FNIP2: variants seen among roughly 807,000 people sequenced by gnomAD.
The protein encoded by FNIP2 is folliculin interacting protein 2.
FNIP2 carries 32 observed loss-of-function variants against 108.7 expected under a neutral mutation model. That is an observed-to-expected ratio of 0.29 (90% CI 0.22 to 0.40). FNIP2 has a LOEUF of 0.40. Among genes scored for constraint, FNIP2 ranks in the 10% least tolerant of loss-of-function variants. The pLI, the probability that FNIP2 is intolerant of heterozygous loss-of-function variation, is 1.00. For synonymous variants in FNIP2, 480 were observed against 496.7 expected, an observed-to-expected ratio of 0.97 and a Z score of 0.45; for missense variants, 1,202 against 1,381.6, an observed-to-expected ratio of 0.87 and a Z score of 2.06.
intron 1 of FNIP2, among the ~76,000 whole-genome samples, chr4:158,812,644 A>G (rs1777341914): frequency 6.6e-6 from 1 of 152,102 alleles, no homozygotes; most frequent in Non-Finnish European, 1.5e-5. Flanking sequence ...CATTAAGCAG[A>G]AAGTACAGAA....
At chr4:158,785,090 T>C (rs1776180348) in intron 1 of FNIP2, among the ~76,000 whole-genome samples, 1 of 146,290 alleles carries the variant, frequency 6.8e-6, no homozygotes, top group African/African-American at 2.6e-5. Flanking sequence ...AGTTCCTCTT[T>C]TTTTTTTTTT....
chr4:158,799,737 T>C (rs1401735902), intron 1 of FNIP2, among the ~76,000 whole-genome samples: 1 of 152,012 alleles, frequency 6.6e-6, no homozygotes, highest in African/African-American at 2.4e-5. Flanking sequence ...TTTCTAACTT[T>C]TGGCAGTCTT....
intron 7 of FNIP2, among the ~76,000 whole-genome samples, chr4:158,839,528 G>A (rs1779004276): frequency 6.6e-6 from 1 of 151,722 alleles, no homozygotes; most frequent in South Asian, 2.1e-4. Context: ...ACCACACCCA[G>A]AATTTTTTTT....
chr4:158,895,446 G>GT (rs1782586753), intron 15 of FNIP2, among the ~76,000 whole-genome samples: 1 of 152,102 alleles, frequency 6.6e-6, no homozygotes, highest in Non-Finnish European at 1.5e-5. Context: ...TTATTATAAA[G>GT]TTTTTTAAAG....
At position 158,882,840 on chromosome 4, in the gene FNIP2, C is replaced by T. The variant is rs571133386; in HGVS notation, c.2950-8606C>T. On this transcript the variant is annotated intron_variant, in intron 14 of 16. Transcript: ENST00000264433. ...CATCACCACTCCCTAATCTCAAGTA[C>T]CCAGGGACACAAATACTGCGGAAGG... Among the ~76,000 whole-genome samples the T allele has an allele frequency of 4.6e-5, 7 of 152,216 alleles. No homozygotes were observed. In the South Asian group the frequency reaches 1.5e-3, roughly 32 times the overall value.
At chr4:158,777,484 G>C (rs1775898550) in intron 1 of FNIP2, among the ~76,000 whole-genome samples, 1 of 152,234 alleles carries the variant, frequency 6.6e-6, no homozygotes, top group African/African-American at 2.4e-5. Context: ...TCTTTAAAAA[G>C]AATGTGCCAG....
intron 7 of FNIP2, among the ~76,000 whole-genome samples, chr4:158,846,299 A>G (rs186796537): frequency 1.4e-4 from 22 of 152,290 alleles, no homozygotes; most frequent in African/African-American, 4.1e-4. Context: ...ACAGTGCAAT[A>G]TACTCTGTTT....
intron 1 of FNIP2, among the ~76,000 whole-genome samples, chr4:158,806,928 A>G (rs1776998920): frequency 6.6e-6 from 1 of 152,158 alleles, no homozygotes; most frequent in Admixed American, 6.5e-5. Context: ...GATGTTATGA[A>G]CAGCAAATTT....
intron 13 of FNIP2, 45 bp from the exon 14 acceptor site, chr4:158,870,268 G>C: frequency 6.3e-7 from 1 of 1,590,244 alleles, no homozygotes; most frequent in Non-Finnish European, 8.6e-7. Flanking sequence ...AAAGAAAAAA[G>C]TACATTTTTA....
chr4:158,859,472 C>A, intron 9 of FNIP2, 106 bp from the exon 10 acceptor site: 1 of 1,099,030 alleles, frequency 9.1e-7, no homozygotes, highest in Non-Finnish European at 1.3e-6. Context: ...GCATTATTAC[C>A]TTGAGTGTTG....
intron 14 of FNIP2, among the ~76,000 whole-genome samples, chr4:158,883,101 C>G (rs1781783721): frequency 6.6e-6 from 1 of 151,486 alleles, no homozygotes; most frequent in African/African-American, 2.4e-5. Context: ...TAAAATCAAG[C>G]TAACACACAC....
At chr4:158,815,441 G>A (rs1424614684) in intron 1 of FNIP2, among the ~76,000 whole-genome samples, 1 of 146,302 alleles carries the variant, frequency 6.8e-6, no homozygotes, top group Non-Finnish European at 1.5e-5. Context: ...GGAATGCAGT[G>A]GCGCCAGCTC....
chr4:158,856,573 C>T (rs1247263438), intron 8 of FNIP2, among the ~76,000 whole-genome samples: 2 of 152,216 alleles, frequency 1.3e-5, no homozygotes, highest in Non-Finnish European at 2.9e-5. Flanking sequence ...CAGTGCTCTG[C>T]GTGGCATGAT....
At chr4:158,902,899 C>A (rs1395612375) in intron 16 of FNIP2, among the ~76,000 whole-genome samples, 1 of 152,066 alleles carries the variant, frequency 6.6e-6, no homozygotes, top group Non-Finnish European at 1.5e-5. Flanking sequence ...AATTTCAAGC[C>A]AGTGGATCTT....
intron 7 of FNIP2, chr4:158,836,641 A>G (rs1778816965): frequency 7.6e-6 from 1 of 131,964 alleles, no homozygotes; most frequent in Non-Finnish European, 1.7e-5. Context: ...TCTACTAAAA[A>G]TACAAAAAAA....
intron 1 of FNIP2, among the ~76,000 whole-genome samples, chr4:158,807,516 A>G (rs1051556296): frequency 6.6e-6 from 1 of 152,154 alleles, no homozygotes; most frequent in Non-Finnish European, 1.5e-5. Flanking sequence ...AAAAATAATA[A>G]TAATAAAATA....
rs1174433967 is a variant in FNIP2, at chr4:158,769,338, G to T, written c.107+19G>T. 2.1e-6 allele frequency: 3 copies of T among 1,458,976 alleles called. No individual in the cohort carries two copies. Among genetic ancestry groups the T allele is most frequent in the African/African-American group, 1.5e-5 (1 of 68,412 alleles). The allele number at this position is 1,458,976 out of a possible 1,614,324, so 90.4% of individuals were successfully genotyped here. On this transcript the variant is annotated intron_variant, in intron 1 of 16. Transcript: ENST00000264433. Reference sequence around the variant, plus strand: ...CCTTTAGGTGAGGGGGCGCCGGGGGGCAATTCTGGCGCGGGACCCGAGTTG... The same window carrying T: ...CCTTTAGGTGAGGGGGCGCCGGGGGTCAATTCTGGCGCGGGACCCGAGTTG...
intron 1 of FNIP2, among the ~76,000 whole-genome samples, chr4:158,823,132 A>G (rs911005872): frequency 6.6e-6 from 1 of 152,232 alleles, no homozygotes; most frequent in African/African-American, 2.4e-5. Flanking sequence ...GGCAAAATGT[A>G]ATTATTAGGG....
intron 14 of FNIP2, among the ~76,000 whole-genome samples, chr4:158,880,239 T>A (rs1468255931): frequency 1.3e-5 from 2 of 152,138 alleles, no homozygotes; most frequent in South Asian, 4.2e-4. Context: ...GTGGCACATA[T>A]ACACTACGGA....
Sources: gnomAD v4.1 joint callset for allele counts (sites outside exome capture counted in the v4.1 genomes callset) on GRCh38, gnomAD v4.1.1 for gene constraint, MANE v1.5 for transcripts, NCBI Gene and HGNC (gene_info 2026-07-23, HGNC 2026-07-21) for gene names.